CADPS2: variants seen among roughly 807,000 people sequenced by gnomAD.
The protein encoded by CADPS2 is calcium-dependent secretion activator 2.
A neutral mutation model predicts 172.5 loss-of-function variants in CADPS2; 93 were observed. That is an observed-to-expected ratio of 0.54 (90% CI 0.46 to 0.64). CADPS2 has a LOEUF of 0.64. Ranked by LOEUF, CADPS2 falls within the 30% of genes least tolerant of loss-of-function variation. The pLI is 0.00. For missense variants in CADPS2, 1,420 were observed against 1,565.9 expected (o/e 0.91, Z 1.57); for synonymous variants, 546 against 555.2 (o/e 0.98, Z 0.23).
At chr7:122,575,184 A>T (rs1268439635) in intron 7 of CADPS2, among the ~76,000 whole-genome samples, 1 of 151,832 alleles carries the variant, frequency 6.6e-6, no homozygotes, top group African/African-American at 2.4e-5. Context: ...AAAGTAAAAA[A>T]AAAAGGTGGT....
chr7:122,633,271 A>T (rs2076751072), intron 3 of CADPS2, among the ~76,000 whole-genome samples: 1 of 152,086 alleles, frequency 6.6e-6, no homozygotes, highest in Non-Finnish European at 1.5e-5. Context: ...TGATTCTGTA[A>T]ATTGCTTTGG....
At chr7:122,667,575 C>T (rs1172489710) in intron 2 of CADPS2, among the ~76,000 whole-genome samples, 1 of 152,116 alleles carries the variant, frequency 6.6e-6, no homozygotes, top group Non-Finnish European at 1.5e-5. Flanking sequence ...AGACCTTGCC[C>T]TCAATCAGTC....
At chr7:122,328,314 T>C (rs939281093) in intron 28 of CADPS2, among the ~76,000 whole-genome samples, 4 of 152,126 alleles carry the variant, frequency 2.6e-5, no homozygotes, top group Non-Finnish European at 5.9e-5. Flanking sequence ...AAAGATAGGT[T>C]CTCTCCATTC....
intron 2 of CADPS2, among the ~76,000 whole-genome samples, chr7:122,721,236 C>A (rs968320363): frequency 2.0e-5 from 3 of 151,914 alleles, no homozygotes; most frequent in East Asian, 3.9e-4. Context: ...CTTCAAAAAA[C>A]CAACAAATCC....
intron 17 of CADPS2, among the ~76,000 whole-genome samples, chr7:122,429,814 T>C (rs1446174460): frequency 2.0e-5 from 3 of 152,122 alleles, no homozygotes; most frequent in Non-Finnish European, 2.9e-5. Context: ...AGAAAACTGT[T>C]ATATCATCTT....
At chr7:122,556,272 A>C (rs938572741) in intron 7 of CADPS2, among the ~76,000 whole-genome samples, 1 of 152,178 alleles carries the variant, frequency 6.6e-6, no homozygotes, top group African/African-American at 2.4e-5. Context: ...GAATATCATT[A>C]TCAACTTAGA....
At chr7:122,803,659 A>G (rs1310640920) in intron 1 of CADPS2, among the ~76,000 whole-genome samples, 1 of 152,204 alleles carries the variant, frequency 6.6e-6, no homozygotes, top group Non-Finnish European at 1.5e-5. Flanking sequence ...CATTTGATTC[A>G]TTTTAAAAAT....
At chr7:122,648,151 G>C (rs181023930) in intron 3 of CADPS2, among the ~76,000 whole-genome samples, 1 of 152,036 alleles carries the variant, frequency 6.6e-6, no homozygotes, top group East Asian at 2.0e-4. Context: ...GCTTCTCTTG[G>C]ATTCCCTGAT....
chr7:122,320,034 T>A lies in CADPS2; in HGVS notation c.*131A>T, dbSNP rs76573357. ...TCCCCTTTTACTCTACATTCAGGCT[T>A]ACTTTTTAAAGAAATACAAGCATTT... On this transcript the variant is annotated 3_prime_UTR_variant, in exon 30 of 30. Coordinates refer to ENST00000449022, the MANE Select transcript of CADPS2 (RefSeq NM_017954.11). 2.7e-3 allele frequency: 2,524 copies of A among 940,796 alleles called. 64 individuals are homozygous for A. The Admixed American group carries it at 0.042, about 16-fold the overall frequency. 58.3% of individuals were successfully genotyped at this position (940,796 alleles called of 1,614,324 possible).
At chr7:122,342,560 A>T (rs901965924) in intron 28 of CADPS2, among the ~76,000 whole-genome samples, 2 of 152,204 alleles carry the variant, frequency 1.3e-5, no homozygotes, top group African/African-American at 2.4e-5. Flanking sequence ...TGTTGGGGGC[A>T]GGGTGAATAT....
At chr7:122,720,588 G>T (rs1487400105) in intron 2 of CADPS2, among the ~76,000 whole-genome samples, 1 of 150,476 alleles carries the variant, frequency 6.6e-6, no homozygotes, top group Non-Finnish European at 1.5e-5. Flanking sequence ...ACATGTATAT[G>T]TATATACATA....
rs528851090 is a variant in CADPS2 at position 122,664,050 on chromosome 7, C to G, written c.454-481G>C. 3.1e-5 allele frequency among the ~76,000 whole-genome samples: 4 copies of G among 130,446 alleles called. No individual in the cohort carries two copies. The South Asian group carries it at 9.3e-4, about 30-fold the overall frequency. The allele number at this position is 130,446 out of a possible 152,430, so 85.6% of individuals were successfully genotyped here. A position where few individuals can be genotyped will look rare whatever the true frequency, so the allele number is the denominator to read the frequency against. On this transcript the variant is annotated intron_variant, in intron 2 of 29. Transcript: ENST00000449022. Reference sequence around the variant, plus strand: ...CTCCAGAACTGTAAGAAATAAATGACCATTGTTTATAAGCAAAAAAAAAAA... The same window carrying G: ...CTCCAGAACTGTAAGAAATAAATGAGCATTGTTTATAAGCAAAAAAAAAAA...
intron 1 of CADPS2, among the ~76,000 whole-genome samples, chr7:122,756,641 G>A (rs2093171971): frequency 6.6e-6 from 1 of 152,190 alleles, no homozygotes; most frequent in African/African-American, 2.4e-5. Flanking sequence ...GCACACGCCT[G>A]TAATCCCAGC....
At chr7:122,705,643 T>C (rs1319634713) in intron 2 of CADPS2, among the ~76,000 whole-genome samples, 6 of 99,952 alleles carry the variant, frequency 6.0e-5, no homozygotes, top group Non-Finnish European at 9.0e-5. Context: ...ATATATAATA[T>C]ATTATATAAT....
At chr7:122,602,281 T>C (rs1053957201) in intron 6 of CADPS2, among the ~76,000 whole-genome samples, 4 of 151,940 alleles carry the variant, frequency 2.6e-5, no homozygotes, top group African/African-American at 9.7e-5. Context: ...CATTTAAAAA[T>C]ACATTTCACT....
At chr7:122,752,999 C>T (rs763086803) in intron 1 of CADPS2, among the ~76,000 whole-genome samples, 3 of 152,114 alleles carry the variant, frequency 2.0e-5, no homozygotes, top group Non-Finnish European at 4.4e-5. Context: ...ATTGGAAATT[C>T]TGCTCTCCAA....
chr7:122,603,470 A>AC (rs199685799), intron 6 of CADPS2, among the ~76,000 whole-genome samples: 2 of 151,572 alleles, frequency 1.3e-5, no homozygotes, highest in Admixed American at 1.3e-4. Flanking sequence ...GAAAAAAAAA[A>AC]CACTCAAAGC....
intron 8 of CADPS2, among the ~76,000 whole-genome samples, chr7:122,532,599 G>T (rs1302283436): frequency 7.2e-6 from 1 of 138,070 alleles, no homozygotes; most frequent in Non-Finnish European, 1.5e-5. Context: ...TCAGGCCTGA[G>T]AATTTGCATG....
intron 4 of CADPS2, among the ~76,000 whole-genome samples, chr7:122,623,081 A>G (rs2075756288): frequency 6.6e-6 from 1 of 152,208 alleles, no homozygotes. Context: ...AGACAGATTA[A>G]ATATCTACAT....
Sources: gnomAD v4.1 joint callset for allele counts (sites outside exome capture counted in the v4.1 genomes callset) on GRCh38, gnomAD v4.1.1 for gene constraint, MANE v1.5 for transcripts, NCBI Gene and HGNC (gene_info 2026-07-23, HGNC 2026-07-21) for gene names.